Variants in CPPED1 observed in about 807,000 individuals in gnomAD.
CPPED1 encodes calcineurin like phosphoesterase domain containing 1, also known as serine/threonine-protein phosphatase CPPED1.
A neutral mutation model predicts 28.0 loss-of-function variants in CPPED1; 28 were observed. The observed-to-expected ratio is 1.00, with a 90% CI of 0.74 to 1.37. The LOEUF is 1.37. Ranked by LOEUF, CPPED1 falls within the 40% of genes most tolerant of loss-of-function variation. CPPED1 has a pLI of 0.00. For synonymous variants in CPPED1, 198 were observed against 180.2 expected (o/e 1.10, Z -0.79); for missense variants, 504 against 416.5 (o/e 1.21, Z -1.83).
At chr16:12,750,577 G>A (rs1428646490) in intron 2 of CPPED1, among the ~76,000 whole-genome samples, 4 of 152,106 alleles carry the variant, frequency 2.6e-5, no homozygotes, top group African/African-American at 4.8e-5. Context: ...CACCATCAAA[G>A]ATCACCGATC....
At chr16:12,713,916 A>G (rs2080093048) in intron 2 of CPPED1, among the ~76,000 whole-genome samples, 2 of 152,128 alleles carry the variant, frequency 1.3e-5, no homozygotes, top group African/African-American at 4.8e-5. Flanking sequence ...ACTTTCACCC[A>G]TTAGCAGCCC....
rs574219186 is a variant in CPPED1, at chr16:12,668,745, T to C, written c.716-3630A>G. On this transcript the variant is annotated intron_variant, in intron 3 of 3. Transcript: ENST00000381774. ...TACATGAAAAGATGCTCAACATCATTTATCTTTAGGGAAATGCGATTAGCG... is the reference window on the plus strand; with the variant it reads ...TACATGAAAAGATGCTCAACATCATCTATCTTTAGGGAAATGCGATTAGCG... Among the ~76,000 whole-genome samples the C allele has an allele frequency of 2.0e-5, 3 of 152,346 alleles. No homozygotes were observed. In the South Asian group the frequency reaches 6.2e-4, roughly 32 times the overall value.
At chr16:12,717,625 G>C (rs2080114356) in intron 2 of CPPED1, among the ~76,000 whole-genome samples, 2 of 151,748 alleles carry the variant, frequency 1.3e-5, no homozygotes, top group African/African-American at 4.8e-5. Context: ...GAGACAGACA[G>C]ACACACACAC....
At chr16:12,725,354 A>AAAGTGT (rs1435006325) in intron 2 of CPPED1, among the ~76,000 whole-genome samples, 1 of 152,214 alleles carries the variant, frequency 6.6e-6, no homozygotes, top group East Asian at 1.9e-4. Context: ...CTGTAATCCC[A>AAAGTGT]AAGTGTTGGG....
intron 1 of CPPED1, among the ~76,000 whole-genome samples, chr16:12,784,496 G>C (rs1279414261): frequency 6.6e-6 from 1 of 151,576 alleles, no homozygotes; most frequent in Non-Finnish European, 1.5e-5. Flanking sequence ...TGAGGCATTA[G>C]GGATAAATGG....
chr16:12,802,504 G>A (rs2080666692), intron 1 of CPPED1, among the ~76,000 whole-genome samples: 1 of 152,206 alleles, frequency 6.6e-6, no homozygotes, highest in Non-Finnish European at 1.5e-5. Flanking sequence ...CAGAGGCTGA[G>A]GCAGGAGAAT....
At chr16:12,737,336 G>C (rs931092827) in intron 2 of CPPED1, among the ~76,000 whole-genome samples, 1 of 152,064 alleles carries the variant, frequency 6.6e-6, no homozygotes, top group African/African-American at 2.4e-5. Flanking sequence ...GAGAAGAAGG[G>C]AGAGCAGGCA....
At chr16:12,787,929 A>G (rs1418726245) in intron 1 of CPPED1, among the ~76,000 whole-genome samples, 1 of 152,138 alleles carries the variant, frequency 6.6e-6, no homozygotes, top group Non-Finnish European at 1.5e-5. Context: ...TCTCATCTGA[A>G]GACTCACATG....
chr16:12,710,470 A>AG (rs950227422), intron 2 of CPPED1, among the ~76,000 whole-genome samples: 32 of 150,636 alleles, frequency 2.1e-4, no homozygotes, highest in Non-Finnish European at 3.8e-4. Context: ...AAAAAAAAGG[A>AG]GGGGGGGAAC....
chr16:12,798,366 T>C (rs989262772), intron 1 of CPPED1, among the ~76,000 whole-genome samples: 1 of 152,210 alleles, frequency 6.6e-6, no homozygotes, highest in African/African-American at 2.4e-5. Flanking sequence ...TTAAAGCATT[T>C]ATTTCATCAT....
chr16:12,711,476 G>A (rs1030128357), intron 2 of CPPED1, among the ~76,000 whole-genome samples: 1 of 152,188 alleles, frequency 6.6e-6, no homozygotes, highest in Non-Finnish European at 1.5e-5. Flanking sequence ...AAATGGTTAA[G>A]GTGGTACATG....
intron 2 of CPPED1, among the ~76,000 whole-genome samples, chr16:12,738,362 C>T (rs965431973): frequency 6.6e-5 from 10 of 152,036 alleles, no homozygotes; most frequent in East Asian, 3.9e-4. Flanking sequence ...TACAGAATTA[C>T]GAGTGATTTT....
At chr16:12,700,599 C>G (rs2080015337) in intron 3 of CPPED1, among the ~76,000 whole-genome samples, 1 of 152,214 alleles carries the variant, frequency 6.6e-6, no homozygotes, top group African/African-American at 2.4e-5. Context: ...GCCCTGCTGG[C>G]CAGGCTGGTC....
intron 3 of CPPED1, among the ~76,000 whole-genome samples, chr16:12,698,748 A>C (rs1163105391): frequency 6.6e-6 from 1 of 152,182 alleles, no homozygotes; most frequent in Admixed American, 6.5e-5. Flanking sequence ...GAAATCTTAA[A>C]ACTATAACCA....
intron 2 of CPPED1, among the ~76,000 whole-genome samples, chr16:12,735,981 T>C (rs1253778474): frequency 6.6e-6 from 1 of 152,162 alleles, no homozygotes; most frequent in South Asian, 2.1e-4. Flanking sequence ...GTCACTTTAG[T>C]CCAGTGCATA....
Position 12,783,760 on chromosome 16 carries a change from T to C in CPPED1, c.71-2357A>G, listed in dbSNP as rs373083287. Among the ~76,000 whole-genome samples the C allele has an allele frequency of 5.9e-5, 9 of 152,266 alleles. No homozygotes were observed. The South Asian group carries it at 1.0e-3, about 18-fold the overall frequency. ...TGAACAAAAATACCTCTGCACACGT[T>C]ACAGAACAAATTGTACATGTACATA... On this transcript the variant is annotated intron_variant, in intron 1 of 3. Transcript: ENST00000381774.
rs574754675 is a variant in CPPED1, at chr16:12,786,057, A to C, written c.71-4654T>G. Among the ~76,000 whole-genome samples, 3 of 152,292 alleles carry C rather than the reference A, an allele frequency of 2.0e-5. No individual in the cohort carries two copies. In the East Asian group the frequency reaches 5.8e-4, roughly 29 times the overall value. On this transcript the variant is annotated intron_variant, in intron 1 of 3. Coordinates refer to ENST00000381774, the MANE Select transcript of CPPED1 (RefSeq NM_018340.3). ...CCTGACAATGCTAATTAACGAGGAG[A>C]ACTAGCCTGGCAATGAGCCTGATGA... is the stretch of plus-strand genomic sequence containing the variant.
At chr16:12,732,973 C>G (rs1227390440) in intron 2 of CPPED1, among the ~76,000 whole-genome samples, 2 of 152,142 alleles carry the variant, frequency 1.3e-5, no homozygotes, top group Non-Finnish European at 2.9e-5. Context: ...CAGCTGTTAG[C>G]AGGCCTACAG....
At chr16:12,699,012 T>G (rs1197103772) in intron 3 of CPPED1, among the ~76,000 whole-genome samples, 1 of 152,234 alleles carries the variant, frequency 6.6e-6, no homozygotes, top group Non-Finnish European at 1.5e-5. Flanking sequence ...TTTTGTTTTT[T>G]AAGACTGAGC....
Sources: gnomAD v4.1 joint callset for allele counts (sites outside exome capture counted in the v4.1 genomes callset) on GRCh38, gnomAD v4.1.1 for gene constraint, MANE v1.5 for transcripts, NCBI Gene and HGNC (gene_info 2026-07-23, HGNC 2026-07-21) for gene names.